The following USP12 variants were observed in gnomAD, a reference collection of about 807,000 sequenced individuals.
USP12 encodes ubiquitin carboxyl-terminal hydrolase 12.
Under a neutral mutation model 45.5 loss-of-function variants are expected in USP12, and 19 were observed. The ratio of observed to expected loss-of-function variants is 0.42; its 90% CI spans 0.29 to 0.61. The LOEUF (loss-of-function observed/expected upper bound fraction) is 0.61, where lower values mean the gene tolerates loss of function less well. Ranked by LOEUF, USP12 falls within the 20% of genes least tolerant of loss-of-function variation. The pLI is 0.22. For missense variants in USP12, 242 were observed against 447.7 expected (o/e 0.54, Z 4.15); for synonymous variants, 149 against 148.8 (o/e 1.00, Z -0.01).
intron 6 of USP12, among the ~76,000 whole-genome samples, chr13:27,082,309 T>C (rs115539668): frequency 4.2e-4 from 64 of 152,340 alleles, no homozygotes; most frequent in African/African-American, 1.5e-3. Context: ...TAAAACCTCA[T>C]GAACCCACCC....
At chr13:27,103,814 GA>G (rs1305151337) in intron 3 of USP12, among the ~76,000 whole-genome samples, 3 of 150,120 alleles carry the variant, frequency 2.0e-5, no homozygotes, top group Non-Finnish European at 4.4e-5. Context: ...AGCCCATTTG[GA>G]AAAAATAACG....
intron 1 of USP12, among the ~76,000 whole-genome samples, chr13:27,150,108 C>T (rs1186995390): frequency 6.6e-6 from 1 of 152,204 alleles, no homozygotes; most frequent in Non-Finnish European, 1.5e-5. Context: ...ATTCCCAACA[C>T]AAAGAAATGA....
At chr13:27,152,784 T>C (rs997602010) in intron 1 of USP12, among the ~76,000 whole-genome samples, 3 of 151,174 alleles carry the variant, frequency 2.0e-5, no homozygotes, top group South Asian at 2.1e-4. Context: ...CTACTAAAAA[T>C]ACAAAAAATT....
intron 6 of USP12, among the ~76,000 whole-genome samples, chr13:27,078,893 TAC>T (rs1425413250): frequency 6.6e-6 from 1 of 152,026 alleles, no homozygotes; most frequent in African/African-American, 2.4e-5. Flanking sequence ...AACTGCACTA[TAC>T]ACATTCTTCT....
Position 27,090,178 on chromosome 13 carries a change from T to A in USP12, c.574-20A>T. On this transcript the variant is annotated intron_variant, in intron 4 of 8. Transcript: ENST00000282344. ...GCTTATCTGTAAAAACAGTGAATTGTCTTTGATTTTTTCAAATACTAGTAA... is the reference window on the plus strand; with the variant it reads ...GCTTATCTGTAAAAACAGTGAATTGACTTTGATTTTTTCAAATACTAGTAA... 1 of 1,559,860 alleles carries A rather than the reference T, an allele frequency of 6.4e-7. No individual in the cohort carries two copies. Among genetic ancestry groups the A allele is most frequent in the Non-Finnish European group, 8.7e-7 (1 of 1,143,354 alleles).
At position 27,123,982 on chromosome 13, in the gene USP12, A is replaced by T. The variant is rs562539564; in HGVS notation, c.49-7386T>A. Among the ~76,000 whole-genome samples, 21 of 152,322 alleles carry T rather than the reference A, an allele frequency of 1.4e-4. No individual in the cohort carries two copies. In the South Asian group the frequency reaches 4.4e-3, roughly 32 times the overall value. On this transcript the variant is annotated intron_variant, in intron 1 of 8. Transcript: ENST00000282344. ...AATAATAGGTTGAAATTACAAAGATACCTTTGACCTATTATTTTGATAATA... is the reference window on the plus strand; with the variant it reads ...AATAATAGGTTGAAATTACAAAGATTCCTTTGACCTATTATTTTGATAATA...
intron 6 of USP12, among the ~76,000 whole-genome samples, chr13:27,085,978 C>T (rs1873992386): frequency 6.6e-6 from 1 of 151,458 alleles, no homozygotes; most frequent in Non-Finnish European, 1.5e-5. Context: ...TGAGCCTAGG[C>T]AACATAGCAA....
chr13:27,120,775 A>T (rs2137801109), intron 1 of USP12, among the ~76,000 whole-genome samples: 1 of 152,328 alleles, frequency 6.6e-6, no homozygotes, highest in Non-Finnish European at 1.5e-5. Flanking sequence ...TAGACTTAGT[A>T]CCCTTACTAT....
chr13:27,136,216 C>A (rs890647199), intron 1 of USP12, among the ~76,000 whole-genome samples: 1 of 152,166 alleles, frequency 6.6e-6, no homozygotes, highest in African/African-American at 2.4e-5. Context: ...TTAATAAAGA[C>A]CCTTGGCGGG....
rs910713092 is a variant in USP12 at position 27,157,452 on chromosome 13, A to G, written c.48+14140T>C. On this transcript the variant is annotated intron_variant, in intron 1 of 8. Transcript: ENST00000282344. Reference sequence around the variant, plus strand: ...TTCCTTTACCCGCTGTATCAGAAGTACTTTTCATTAGCTCATTTTTAGCAA... The same window carrying G: ...TTCCTTTACCCGCTGTATCAGAAGTGCTTTTCATTAGCTCATTTTTAGCAA... 3.3e-5 allele frequency among the ~76,000 whole-genome samples: 5 copies of G among 152,170 alleles called. 1 individual carries two copies. The South Asian group carries it at 6.2e-4, about 19-fold the overall frequency.
chr13:27,168,702 T>C (rs1878454634), intron 1 of USP12, among the ~76,000 whole-genome samples: 1 of 152,226 alleles, frequency 6.6e-6, no homozygotes, highest in Non-Finnish European at 1.5e-5. Flanking sequence ...ATCACTCATT[T>C]GGTTCAGGCT....
At chr13:27,116,303 C>T (rs1008533979) in intron 2 of USP12, among the ~76,000 whole-genome samples, 1 of 116,564 alleles carries the variant, frequency 8.6e-6, no homozygotes, top group Non-Finnish European at 1.7e-5. Flanking sequence ...CAGAGCAAGA[C>T]GCTGTCTCAA....
chr13:27,069,375 C>G lies in USP12; in HGVS notation c.1021G>C (p.Ala341Pro). ...CCGTAGAATTCTTCAATAGCTTGTG[C>G]ATCTATTTTCTGTGAGGTAAAATGT... ...FDDDIVEKID[A>P]QAIEEFYGLT... The change falls in exon 9 of 9, where the codon GCA (alanine) becomes CCA (proline). Residue 341 changes from alanine to proline, a missense_variant. Transcript: ENST00000282344. 6.2e-7 allele frequency: 1 copy of G among 1,612,810 alleles called. No individual in the cohort carries two copies. Among genetic ancestry groups the G allele is most frequent in the Non-Finnish European group, 8.5e-7 (1 of 1,179,112 alleles).
At chr13:27,121,665 T>A (rs909230299) in intron 1 of USP12, among the ~76,000 whole-genome samples, 3 of 151,320 alleles carry the variant, frequency 2.0e-5, no homozygotes, top group Non-Finnish European at 3.0e-5. Flanking sequence ...ATCGAGACCA[T>A]CCTGGCTAAC....
At chr13:27,088,196 G>A (rs958541265) in intron 6 of USP12, among the ~76,000 whole-genome samples, 5 of 152,238 alleles carry the variant, frequency 3.3e-5, no homozygotes, top group East Asian at 3.9e-4. Context: ...CGAGGCAGGC[G>A]GATCACGATG....
intron 6 of USP12, among the ~76,000 whole-genome samples, chr13:27,075,895 T>C (rs1363098268): frequency 7.2e-5 from 11 of 151,998 alleles, no homozygotes. Flanking sequence ...CCGGGCATAG[T>C]GGCAGGCGCC....
chr13:27,073,313 ATC>A (rs749910462), intron 7 of USP12, among the ~76,000 whole-genome samples: 4 of 152,214 alleles, frequency 2.6e-5, no homozygotes, highest in South Asian at 2.1e-4. Flanking sequence ...GTCAATAAAC[ATC>A]TCTCTGCAAT....
intron 1 of USP12, among the ~76,000 whole-genome samples, chr13:27,149,324 T>G (rs935179679): frequency 6.6e-6 from 1 of 152,170 alleles, no homozygotes; most frequent in Non-Finnish European, 1.5e-5. Context: ...CCTCTAAGAT[T>G]AGGAAAAAGA....
At chr13:27,136,041 TCA>T (rs1375101133) in intron 1 of USP12, among the ~76,000 whole-genome samples, 3 of 152,192 alleles carry the variant, frequency 2.0e-5, no homozygotes, top group Non-Finnish European at 2.9e-5. Context: ...CAATTTTCTG[TCA>T]CACTGCTGAG....
Sources: gnomAD v4.1 joint callset for allele counts (sites outside exome capture counted in the v4.1 genomes callset) on GRCh38, gnomAD v4.1.1 for gene constraint, MANE v1.5 for transcripts, NCBI Gene and HGNC (gene_info 2026-07-23, HGNC 2026-07-21) for gene names.